Variants in CSMD1 observed in about 807,000 individuals in gnomAD.
CSMD1 encodes the protein CUB and Sushi multiple domains 1, also known as CUB and sushi domain-containing protein 1.
CSMD1 carries 213 observed loss-of-function variants against 417.5 expected under a neutral mutation model. The observed-to-expected ratio is 0.51, with a 90% CI of 0.46 to 0.57. The LOEUF (loss-of-function observed/expected upper bound fraction) is 0.57, where lower values mean the gene tolerates loss of function less well. CSMD1 is among the 20% of genes least tolerant of loss of function. The pLI is 0.00. For missense variants in CSMD1, 6,923 were observed against 4,529.7 expected (o/e 1.53, Z -15.17); for synonymous variants, 2,862 against 1,736.8 (o/e 1.65, Z -16.11).
At chr8:3,807,704 G>A (rs991283161) in intron 5 of CSMD1, among the ~76,000 whole-genome samples, 1 of 152,008 alleles carries the variant, frequency 6.6e-6, no homozygotes, top group Non-Finnish European at 1.5e-5. Context: ...TCTTCCTTGA[G>A]CTATAAGGGA....
chr8:3,367,368 G>C (rs1259781074), intron 19 of CSMD1, 121 bp from the exon 20 acceptor site: 4 of 646,306 alleles, frequency 6.2e-6, no homozygotes, highest in African/African-American at 3.6e-5. Flanking sequence ...TGGAGAGGAA[G>C]AGAAAATAAG....
chr8:3,453,685 T>A (rs1001404944), intron 12 of CSMD1, among the ~76,000 whole-genome samples: 4 of 152,240 alleles, frequency 2.6e-5, no homozygotes. Flanking sequence ...GACAGTTTGT[T>A]ATAATTTCTG....
At chr8:4,862,457 T>C (rs1802193818) in intron 1 of CSMD1, among the ~76,000 whole-genome samples, 1 of 152,050 alleles carries the variant, frequency 6.6e-6, no homozygotes, top group South Asian at 2.1e-4. Flanking sequence ...TGTGACTACA[T>C]TAAAAGTAAA....
chr8:4,935,046 A>G (rs1807514972), intron 1 of CSMD1, among the ~76,000 whole-genome samples: 1 of 152,198 alleles, frequency 6.6e-6, no homozygotes, highest in Non-Finnish European at 1.5e-5. Flanking sequence ...CTATATACAC[A>G]CTTATGCAGA....
At chr8:3,605,982 G>C (rs1383665863) in intron 8 of CSMD1, among the ~76,000 whole-genome samples, 1 of 152,000 alleles carries the variant, frequency 6.6e-6, no homozygotes, top group Non-Finnish European at 1.5e-5. Context: ...CCTTGTGTGG[G>C]GTCCGGTCAT....
At chr8:4,432,083 C>CTCAAT (rs1797901009) in intron 2 of CSMD1, among the ~76,000 whole-genome samples, 1 of 151,990 alleles carries the variant, frequency 6.6e-6, no homozygotes, top group African/African-American at 2.4e-5. Context: ...GATTAGAATA[C>CTCAAT]AGAAATATTG....
At chr8:3,600,728 C>A (rs1037367947) in intron 8 of CSMD1, among the ~76,000 whole-genome samples, 1 of 152,104 alleles carries the variant, frequency 6.6e-6, no homozygotes, top group Non-Finnish European at 1.5e-5. Flanking sequence ...ATCCAGGCAC[C>A]CACCTCTATC....
At chr8:4,927,530 G>C (rs1806952250) in intron 1 of CSMD1, among the ~76,000 whole-genome samples, 1 of 152,110 alleles carries the variant, frequency 6.6e-6, no homozygotes, top group Non-Finnish European at 1.5e-5. Context: ...CCGAGAGCAA[G>C]TGAGTTGGAA....
chr8:3,433,832 A>G (rs1471743315), intron 12 of CSMD1, among the ~76,000 whole-genome samples: 2 of 152,260 alleles, frequency 1.3e-5, no homozygotes, highest in East Asian at 3.9e-4. Flanking sequence ...CTCCCGTGGC[A>G]GCTCAGCCAT....
At chr8:3,399,590 T>C in intron 15 of CSMD1, 61 bp from the exon 16 acceptor site, 2 of 1,307,452 alleles carry the variant, frequency 1.5e-6, no homozygotes, top group African/African-American at 1.5e-5. Flanking sequence ...GCCATAACAA[T>C]ACCCGGATAA....
At chr8:4,685,942 G>A (rs996455433) in intron 1 of CSMD1, among the ~76,000 whole-genome samples, 2 of 152,186 alleles carry the variant, frequency 1.3e-5, no homozygotes, top group Admixed American at 1.3e-4. Flanking sequence ...ATCTTTAAAA[G>A]CACTGACGTT....
In CSMD1 at chr8:3,367,344, A is replaced by G. The variant is rs2117759871; in HGVS notation, c.2900-97T>C. Reference sequence around the variant, plus strand: ...GCGGGGCAGAGAGAGACAGAGACATAGAGATGACAGAGATGGAGAGGAAGA... The same window carrying G: ...GCGGGGCAGAGAGAGACAGAGACATGGAGATGACAGAGATGGAGAGGAAGA... On this transcript the variant is annotated intron_variant, in intron 19 of 69. Coordinates refer to ENST00000635120, the MANE Select transcript of CSMD1 (RefSeq NM_033225.6). 5.5e-6 allele frequency: 4 copies of G among 722,552 alleles called. No individual in the cohort carries two copies. The South Asian group carries it at 6.6e-5, about 12-fold the overall frequency. The allele number at this position is 722,552 out of a possible 1,614,324, so 44.8% of individuals were successfully genotyped here.
chr8:4,138,808 A>AT (rs1234698937), intron 3 of CSMD1, among the ~76,000 whole-genome samples: 7 of 152,040 alleles, frequency 4.6e-5, no homozygotes, highest in Non-Finnish European at 2.9e-5. Context: ...ATTTAATGGT[A>AT]TTTTTTTGCC....
chr8:3,946,096 T>C (rs1018337649), intron 5 of CSMD1, among the ~76,000 whole-genome samples: 1 of 152,144 alleles, frequency 6.6e-6, no homozygotes, highest in Non-Finnish European at 1.5e-5. Context: ...GTGGAGGACT[T>C]TATCGCTTGC....
chr8:4,079,999 T>A (rs1458872742), intron 3 of CSMD1, among the ~76,000 whole-genome samples: 1 of 149,502 alleles, frequency 6.7e-6, no homozygotes, highest in Non-Finnish European at 1.5e-5. Flanking sequence ...GTTCGAATAT[T>A]GGTGTTTTTT....
chr8:3,055,549 A>C (rs1352484278), intron 49 of CSMD1, among the ~76,000 whole-genome samples: 2 of 152,208 alleles, frequency 1.3e-5, no homozygotes, highest in Non-Finnish European at 2.9e-5. Flanking sequence ...ATTTATTCCC[A>C]AAATTTTGCA....
intron 3 of CSMD1, among the ~76,000 whole-genome samples, chr8:4,289,437 A>T (rs534368200): frequency 6.6e-6 from 1 of 151,726 alleles, no homozygotes; most frequent in Non-Finnish European, 1.5e-5. Flanking sequence ...TTTTTTGCAC[A>T]AACACTCTAA....
chr8:3,777,428 AG>A (rs1195784605), intron 5 of CSMD1, among the ~76,000 whole-genome samples: 9 of 152,128 alleles, frequency 5.9e-5, no homozygotes, highest in African/African-American at 1.9e-4. Flanking sequence ...GCATCCTGTC[AG>A]GCCTCAGGCA....
intron 50 of CSMD1, among the ~76,000 whole-genome samples, chr8:3,050,168 G>A (rs922804684): frequency 6.6e-6 from 1 of 150,580 alleles, no homozygotes; most frequent in African/African-American, 2.4e-5. Context: ...GAATCCCTAA[G>A]GGTCAAAACT....
Sources: allele counts gnomAD v4.1 joint callset (sites outside exome capture counted in the v4.1 genomes callset), GRCh38; gene constraint gnomAD v4.1.1; transcripts MANE v1.5; gene names NCBI Gene and HGNC (gene_info 2026-07-23, HGNC 2026-07-21).